Variants in WDR59 observed in about 807,000 individuals in gnomAD.
WDR59 encodes GATOR2 complex protein WDR59.
Under a neutral mutation model 131.2 loss-of-function variants are expected in WDR59, and 100 were observed. The ratio of observed to expected loss-of-function variants is 0.76; its 90% CI spans 0.65 to 0.90. The LOEUF (loss-of-function observed/expected upper bound fraction) is 0.90, where lower values mean the gene tolerates loss of function less well. Ranked by LOEUF, WDR59 falls within the 40% of genes least tolerant of loss-of-function variation. WDR59 has a pLI of 0.00. For synonymous variants in WDR59, 601 were observed against 466.2 expected (o/e 1.29, Z -3.72); for missense variants, 1,203 against 1,262.2 (o/e 0.95, Z 0.71).
rs145936313 is a variant in WDR59 at position 74,943,556 on chromosome 16, G to C, written c.446-730C>G. Among the ~76,000 whole-genome samples, 493 of 152,282 alleles carry C rather than the reference G, an allele frequency of 3.2e-3. 5 individuals carry two copies. Among genetic ancestry groups the C allele is most frequent in the African/African-American group, 0.011 (473 of 41,560 alleles). On this transcript the variant is annotated intron_variant, in intron 6 of 25. Coordinates refer to ENST00000262144, the MANE Select transcript of WDR59 (RefSeq NM_030581.4). ...AGATGCCAGAAAGAGCTGAGACATG[G>C]AAAACTGGGACACAGTGGCACCTCT...
At chr16:74,971,598 G>A (rs1323674880) in intron 1 of WDR59, among the ~76,000 whole-genome samples, 1 of 151,584 alleles carries the variant, frequency 6.6e-6, no homozygotes, top group Non-Finnish European at 1.5e-5. Context: ...GTGCCTGGCT[G>A]TTTTTTGTAT....
intron 20 of WDR59, among the ~76,000 whole-genome samples, chr16:74,890,189 C>T (rs756408771): frequency 1.6e-4 from 24 of 152,306 alleles, no homozygotes; most frequent in African/African-American, 3.6e-4. Flanking sequence ...CTCGCTCTGT[C>T]GCCCAGGCTG....
At chr16:74,946,332 G>A (rs553697196) in intron 6 of WDR59, among the ~76,000 whole-genome samples, 1 of 152,154 alleles carries the variant, frequency 6.6e-6, no homozygotes, top group Non-Finnish European at 1.5e-5. Context: ...AATGAGGGGG[G>A]ATTACTGTAT....
At chr16:74,917,760 G>T (rs1966461289) in intron 11 of WDR59, among the ~76,000 whole-genome samples, 169 bp downstream of exon 11, 1 of 135,022 alleles carries the variant, frequency 7.4e-6, no homozygotes, top group Admixed American at 8.7e-5. Context: ...AGTGAGCCAA[G>T]ATCGTGCCAC....
intron 8 of WDR59, among the ~76,000 whole-genome samples, chr16:74,928,489 G>C (rs1341276524): frequency 1.3e-5 from 2 of 151,970 alleles, no homozygotes; most frequent in African/African-American, 4.8e-5. Flanking sequence ...AAAGTGCTGA[G>C]ATTACAGGTA....
chr16:74,883,102 G>A (rs571775725), intron 25 of WDR59, among the ~76,000 whole-genome samples: 1 of 128,394 alleles, frequency 7.8e-6, no homozygotes, highest in Admixed American at 9.4e-5. Flanking sequence ...TCGGCTCACC[G>A]CAACCTCCGC....
In WDR59 at chr16:74,880,571, T is replaced by C. The variant is rs76842374; in HGVS notation, c.2689+5082A>G. On this transcript the variant is annotated intron_variant, in intron 25 of 25. Coordinates refer to ENST00000262144, the MANE Select transcript of WDR59 (RefSeq NM_030581.4). ...GTCCTCCCAGGAAACTTCTTTGGCCTAGGGAATCCCAGCCTTGCACAAAGT... is the reference window on the plus strand; with the variant it reads ...GTCCTCCCAGGAAACTTCTTTGGCCCAGGGAATCCCAGCCTTGCACAAAGT... Among the ~76,000 whole-genome samples, 1,574 of 152,332 alleles carry C rather than the reference T, an allele frequency of 0.01. 59 individuals carry two copies. The East Asian group carries it at 0.14, about 14-fold the overall frequency.
At chr16:74,924,725 G>T (rs1179461551) in intron 8 of WDR59, among the ~76,000 whole-genome samples, 1 of 152,168 alleles carries the variant, frequency 6.6e-6, no homozygotes, top group Non-Finnish European at 1.5e-5. Flanking sequence ...ACTCGGAACT[G>T]CTTAAGTTTA....
At chr16:74,945,885 C>CT (rs2032597384) in intron 6 of WDR59, among the ~76,000 whole-genome samples, 1 of 145,374 alleles carries the variant, frequency 6.9e-6, no homozygotes, top group East Asian at 2.1e-4. Context: ...ATGGCGTGAT[C>CT]TCGCTCACCG....
chr16:74,900,873 C>T (rs1451606274), intron 18 of WDR59, among the ~76,000 whole-genome samples: 1 of 152,226 alleles, frequency 6.6e-6, no homozygotes. Context: ...AATCCCAACA[C>T]TTTGGGTGGC....
chr16:74,877,366 T>A (rs539459511), intron 25 of WDR59, among the ~76,000 whole-genome samples: 3 of 152,286 alleles, frequency 2.0e-5, no homozygotes, highest in East Asian at 3.9e-4. Context: ...AAATGTCAAA[T>A]GTGATTCTGT....
intron 1 of WDR59, among the ~76,000 whole-genome samples, chr16:74,974,780 T>A (rs957151114): frequency 2.0e-5 from 3 of 152,180 alleles, no homozygotes; most frequent in African/African-American, 7.2e-5. Flanking sequence ...GAGTCCCTAA[T>A]GAACTTCCTT....
At chr16:74,886,508 A>G in intron 23 of WDR59, 112 bp from the exon 24 acceptor site, 1 of 1,383,762 alleles carries the variant, frequency 7.2e-7, no homozygotes, top group Non-Finnish European at 9.6e-7. Flanking sequence ...AGAAATGTTA[A>G]GCGAGGCTGA....
rs906198037 is a variant in WDR59, at chr16:74,886,030, T to C, written c.2547-235A>G. On this transcript the variant is annotated intron_variant, in intron 24 of 25. Transcript: ENST00000262144. ...TGTCTGTACTAAAAATACAAAAAAT[T>C]AGCCAGTCATGGTGGCGTGTGCCTG... 4.6e-6 allele frequency: 3 copies of C among 652,440 alleles called. No individual in the cohort carries two copies. The African/African-American group carries it at 5.5e-5, about 12-fold the overall frequency. 40.4% of individuals were successfully genotyped at this position (652,440 alleles called of 1,614,324 possible). A position where few individuals can be genotyped will look rare whatever the true frequency, so the allele number is the denominator to read the frequency against.
At chr16:74,969,846 G>A (rs2033912818) in intron 1 of WDR59, among the ~76,000 whole-genome samples, 1 of 151,956 alleles carries the variant, frequency 6.6e-6, no homozygotes, top group Non-Finnish European at 1.5e-5. Context: ...GAGTACAGTG[G>A]CATGATCTCA....
At position 74,945,272 on chromosome 16, in the gene WDR59, C is replaced by T. The variant is rs527680881; in HGVS notation, c.446-2446G>A. 1.5e-4 allele frequency among the ~76,000 whole-genome samples: 23 copies of T among 151,582 alleles called. No individual in the cohort carries two copies. In the South Asian group the frequency reaches 3.8e-3, roughly 25 times the overall value. Reference sequence around the variant, plus strand: ...CGGGTGGATCATGAGGTCAGGAGATCGAGACCATCCTGGCTAACACAGTGA... The same window carrying T: ...CGGGTGGATCATGAGGTCAGGAGATTGAGACCATCCTGGCTAACACAGTGA... On this transcript the variant is annotated intron_variant, in intron 6 of 25. Transcript: ENST00000262144.
chr16:74,930,804 A>G (rs1276455605), intron 8 of WDR59: 1 of 150,354 alleles, frequency 6.7e-6, no homozygotes, highest in Admixed American at 6.7e-5. Context: ...GAGGCAGGAG[A>G]ATCATTTGAA....
At chr16:74,975,927 G>C (rs2034162128) in intron 1 of WDR59, among the ~76,000 whole-genome samples, 1 of 151,892 alleles carries the variant, frequency 6.6e-6, no homozygotes, top group Admixed American at 6.6e-5. Context: ...AAGGTGGGAG[G>C]ATCACTTAAA....
intron 6 of WDR59, among the ~76,000 whole-genome samples, chr16:74,944,284 G>A (rs1014744495): frequency 1.3e-5 from 2 of 152,036 alleles, no homozygotes; most frequent in African/African-American, 2.4e-5. Context: ...TGGCAAACAT[G>A]GCAAAACGCT....
Sources: gnomAD v4.1 joint callset for allele counts (sites outside exome capture counted in the v4.1 genomes callset) on GRCh38, gnomAD v4.1.1 for gene constraint, MANE v1.5 for transcripts, NCBI Gene and HGNC (gene_info 2026-07-23, HGNC 2026-07-21) for gene names.